The following TMEM192 variants were observed in gnomAD, a reference collection of about 807,000 sequenced individuals.
The protein encoded by TMEM192 is transmembrane protein 192.
In TMEM192, 20 loss-of-function variants were observed where a neutral mutation model predicts 26.7. The ratio of observed to expected loss-of-function variants is 0.75; its 90% confidence interval spans 0.53 to 1.09. The LOEUF (loss-of-function observed/expected upper bound fraction) is 1.09, where lower values mean the gene tolerates loss of function less well. TMEM192 is among the 50% of genes least tolerant of loss of function. The pLI is 0.00. For missense variants in TMEM192, 304 were observed against 322.6 expected, an observed-to-expected ratio of 0.94 and a Z score of 0.44; for synonymous variants, 124 against 121.0, an observed-to-expected ratio of 1.02 and a Z score of -0.16.
In TMEM192 at chr4:165,074,404, C is replaced by T. The variant is rs888556761; in HGVS notation, c.*5254G>A. On this transcript the variant is annotated 3_prime_UTR_variant, in exon 6 of 6. Transcript: ENST00000306480. ...TTCAAAGTTTGATTCTTCAAGAACT[C>T]AAGAGTTTACCAGATGTGAGTTTTG... 2.0e-5 allele frequency: 3 copies of T among 152,052 alleles called. No homozygotes were observed. The East Asian group carries it at 5.8e-4, about 29-fold the overall frequency. 9.4% of individuals were successfully genotyped at this position (152,052 alleles called of 1,614,324 possible). A position where few individuals can be genotyped will look rare whatever the true frequency, so the allele number is the denominator to read the frequency against.
chr4:165,083,874 T>C lies in TMEM192; in HGVS notation c.677+1712A>G, dbSNP rs57420746. On this transcript the variant is annotated intron_variant, in intron 5 of 5. Coordinates refer to ENST00000306480, the MANE Select transcript of TMEM192 (RefSeq NM_001100389.2). ...TCTTGCTCTGTTATCCAGGCTGGAG[T>C]GCAGTGGCGCAATCTTAGCTCACTG... 4.8e-3 allele frequency among the ~76,000 whole-genome samples: 46 copies of C among 9,502 alleles called. 22 individuals carry two copies. Among genetic ancestry groups the C allele is most frequent in the Non-Finnish European group, 0.029 (39 of 1,356 alleles). The allele number at this position is 9,502 out of a possible 152,430, so 6.2% of individuals were successfully genotyped here. A position where few individuals can be genotyped will look rare whatever the true frequency, so the allele number is the denominator to read the frequency against.
Position 165,079,682 on chromosome 4 carries a change from C to T in TMEM192, c.792G>A (p.Leu264=), listed in dbSNP as rs1332606663. 1 of 1,613,052 alleles carries T rather than the reference C, an allele frequency of 6.2e-7. No individual in the cohort carries two copies. Among genetic ancestry groups the T allele is most frequent in the Non-Finnish European group, 8.5e-7 (1 of 1,179,554 alleles). The part of the protein sequence containing the change: ...KRLLALTSSD[L]GCQPSRT ...CTCACGTTCTACTTGGCTGACAGCC[C>T]AGGTCTGAGGAAGTGAGAGCCAACA... Residue 264 remains leucine (L), a synonymous_variant, in exon 6 of 6, where the codon CTG becomes CTA. Transcript: ENST00000306480.
At chr4:165,090,636 G>T (rs1010959681) in intron 3 of TMEM192, among the ~76,000 whole-genome samples, 1 of 152,120 alleles carries the variant, frequency 6.6e-6, no homozygotes, top group Non-Finnish European at 1.5e-5. Context: ...CAGGTGTGGT[G>T]GCTCACACTT....
At chr4:165,107,022 C>T (rs1019008706) in intron 1 of TMEM192, among the ~76,000 whole-genome samples, 2 of 151,624 alleles carry the variant, frequency 1.3e-5, no homozygotes, top group African/African-American at 4.8e-5. Context: ...TTTTTTTTCT[C>T]TCTTTTTTTT....
At chr4:165,079,880 T>A (rs1207142402) in intron 5 of TMEM192, 84 bp from the exon 6 acceptor site, 14 of 1,348,018 alleles carry the variant, frequency 1.0e-5, no homozygotes, top group Non-Finnish European at 1.4e-5. Context: ...TACTAGTTTT[T>A]AGTAAAGCAT....
intron 2 of TMEM192, among the ~76,000 whole-genome samples, chr4:165,101,718 T>C (rs1239531687): frequency 6.6e-6 from 1 of 152,138 alleles, no homozygotes; most frequent in African/African-American, 2.4e-5. Flanking sequence ...CAGGAAGCCA[T>C]GGTGGAGCCA....
At chr4:165,097,196 A>G (rs1026077034) in intron 3 of TMEM192, among the ~76,000 whole-genome samples, 1 of 152,130 alleles carries the variant, frequency 6.6e-6, no homozygotes, top group Non-Finnish European at 1.5e-5. Flanking sequence ...CATGCCCTTT[A>G]AGAAAATGCA....
intron 4 of TMEM192, 95 bp from the exon 5 acceptor site, chr4:165,085,783 C>A: frequency 1.2e-6 from 1 of 862,094 alleles, no homozygotes; most frequent in East Asian, 2.6e-5. Flanking sequence ...TATTAACGTC[C>A]TTGAGTATTT....
intron 2 of TMEM192, among the ~76,000 whole-genome samples, chr4:165,101,166 CG>C (rs1263046559): frequency 5.9e-5 from 9 of 151,284 alleles, no homozygotes; most frequent in African/African-American, 2.2e-4. Context: ...TTAGTAGAGA[CG>C]GGGTTTCACC....
At chr4:165,109,590 T>G (rs1321282064) in intron 1 of TMEM192, among the ~76,000 whole-genome samples, 2 of 152,122 alleles carry the variant, frequency 1.3e-5, no homozygotes, top group African/African-American at 4.8e-5. Flanking sequence ...GTCTCAAACT[T>G]CTGACCTCAG....
intron 2 of TMEM192, among the ~76,000 whole-genome samples, 179 bp from the exon 3 acceptor site, chr4:165,101,071 G>A (rs1657259335): frequency 6.7e-6 from 1 of 149,776 alleles, no homozygotes; most frequent in African/African-American, 2.5e-5. Flanking sequence ...CCACCTCCCG[G>A]GTTCACGCCA....
intron 2 of TMEM192, among the ~76,000 whole-genome samples, chr4:165,101,949 C>A (rs1735047965): frequency 6.6e-6 from 1 of 152,172 alleles, no homozygotes; most frequent in Non-Finnish European, 1.5e-5. Flanking sequence ...CATTCACAGT[C>A]CTCGTAAATA....
At chr4:165,106,955 A>G (rs1735175279) in intron 1 of TMEM192, among the ~76,000 whole-genome samples, 1 of 152,162 alleles carries the variant, frequency 6.6e-6, no homozygotes, top group Non-Finnish European at 1.5e-5. Context: ...TCCTCAGGAC[A>G]AAGTCCAAAT....
rs186672219 is a variant in TMEM192 at position 165,071,905 on chromosome 4, G to A, written c.*7753C>T. ...TTTTTGTGTGTGTGCATGGGGCTGG[G>A]GGGTCAGGGTGGAGAGGTAGTGAGA... On this transcript the variant is annotated 3_prime_UTR_variant, in exon 6 of 6. Coordinates refer to ENST00000306480, the MANE Select transcript of TMEM192 (RefSeq NM_001100389.2). The A allele has an allele frequency of 6.5e-6, 1 of 152,920 alleles. No individual in the cohort carries two copies. Among genetic ancestry groups the A allele is most frequent in the East Asian group, 1.9e-4 (1 of 5,188 alleles). The allele number at this position is 152,920 out of a possible 1,614,324, so 9.5% of individuals were successfully genotyped here.
intron 5 of TMEM192, among the ~76,000 whole-genome samples, chr4:165,081,007 G>A (rs1002587193): frequency 6.6e-6 from 1 of 151,968 alleles, no homozygotes; most frequent in Non-Finnish European, 1.5e-5. Context: ...GAGCCACCGC[G>A]CCCAGCCAAT....
chr4:165,101,005 C>A (rs1735027849), intron 2 of TMEM192, 113 bp from the exon 3 acceptor site: 2 of 1,114,762 alleles, frequency 1.8e-6, no homozygotes, highest in South Asian at 1.7e-5. Context: ...GAGACAGAGT[C>A]TCACTCTGTC....
Position 165,078,761 on chromosome 4 carries a change from A to G in TMEM192, c.*897T>C, listed in dbSNP as rs145285155. Reference sequence around the variant, plus strand: ...GGTCGGTCTAACACTGGTCCAAGTAATCAATCATCATATCTTATTTCTTTT... The same window carrying G: ...GGTCGGTCTAACACTGGTCCAAGTAGTCAATCATCATATCTTATTTCTTTT... On this transcript the variant is annotated 3_prime_UTR_variant, in exon 6 of 6. Coordinates refer to ENST00000306480, the MANE Select transcript of TMEM192 (RefSeq NM_001100389.2). 1 of 152,400 alleles carries G rather than the reference A, an allele frequency of 6.6e-6. No individual in the cohort carries two copies. The highest frequency in any genetic ancestry group is 1.5e-5 in the Non-Finnish European group (1 of 68,094). The allele number at this position is 152,400 out of a possible 1,614,324, so 9.4% of individuals were successfully genotyped here.
chr4:165,079,631 G>T lies in TMEM192; in HGVS notation c.*27C>A. The T allele has an allele frequency of 6.3e-7, 1 of 1,593,060 alleles. No homozygotes were observed. The highest frequency in any genetic ancestry group is 8.6e-7 in the Non-Finnish European group (1 of 1,168,316). On this transcript the variant is annotated 3_prime_UTR_variant, in exon 6 of 6. Transcript: ENST00000306480. Reference sequence around the variant, plus strand: ...AGTCTCAATTACTCTGGGTTCCTCTGCAATTGCTGTCATGACCGTGAGCCT... The same window carrying T: ...AGTCTCAATTACTCTGGGTTCCTCTTCAATTGCTGTCATGACCGTGAGCCT...
rs1321531836 is a variant in TMEM192 at position 165,072,452 on chromosome 4, G to A, written c.*7206C>T. ...TGTGCCGGTAATCCCAGCTACTCAG[G>A]AGGCTGAAGCAAGAGAATCACTTGA... is the stretch of plus-strand genomic sequence containing the variant. On this transcript the variant is annotated 3_prime_UTR_variant, in exon 6 of 6. Transcript: ENST00000306480. 2 of 151,664 alleles carry A rather than the reference G, an allele frequency of 1.3e-5. No homozygotes were observed. Among genetic ancestry groups the A allele is most frequent in the Non-Finnish European group, 2.9e-5 (2 of 68,090 alleles). 9.4% of individuals were successfully genotyped at this position (151,664 alleles called of 1,614,324 possible).
Sources: allele counts gnomAD v4.1 joint callset (sites outside exome capture counted in the v4.1 genomes callset), GRCh38; gene constraint gnomAD v4.1.1; transcripts MANE v1.5; gene names NCBI Gene and HGNC (gene_info 2026-07-23, HGNC 2026-07-21).